The following DPP6 variants were observed in gnomAD, a reference collection of about 807,000 sequenced individuals.
The protein encoded by DPP6 is A-type potassium channel modulatory protein DPP6.
Under a neutral mutation model 122.6 loss-of-function variants are expected in DPP6, and 69 were observed. The observed-to-expected ratio is 0.56, with a 90% CI of 0.46 to 0.69. DPP6 has a LOEUF of 0.69. DPP6 is among the 30% of genes least tolerant of loss of function. DPP6 has a pLI of 0.00. For missense variants in DPP6, 928 were observed against 1,116.9 expected (o/e 0.83, Z 2.41); for synonymous variants, 418 against 433.1 (o/e 0.97, Z 0.43).
At chr7:154,118,255 T>C (rs1427966156) in intron 1 of DPP6, among the ~76,000 whole-genome samples, 1 of 150,662 alleles carries the variant, frequency 6.6e-6, no homozygotes, top group Non-Finnish European at 1.5e-5. Flanking sequence ...TTCTTCTTCA[T>C]TGATTTCTGG....
At chr7:153,857,322 TTCTCTCTCTCTCTCTCTCTC>T in the DPP6 span, among the ~76,000 whole-genome samples, 1 of 124,388 alleles carries the variant, frequency 8.0e-6, no homozygotes, top group East Asian at 2.3e-4. Context: ...CTCAAAGGTT[TTCTCTCTCTCTCTCTCTCTC>T]TCTCTCTCTC....
intron 1 of DPP6, among the ~76,000 whole-genome samples, chr7:154,211,675 C>T (rs549630985): frequency 6.6e-6 from 1 of 152,276 alleles, no homozygotes; most frequent in East Asian, 1.9e-4. Context: ...CACCTCCATA[C>T]ACACAAGGAG....
At chr7:154,811,983 G>T (rs1455055493) in intron 16 of DPP6, among the ~76,000 whole-genome samples, 1 of 152,196 alleles carries the variant, frequency 6.6e-6, no homozygotes, top group Non-Finnish European at 1.5e-5. Flanking sequence ...TACTGGCAAT[G>T]AGAGGCTTCT....
In DPP6 at chr7:154,768,773, CCTT is replaced by C. The variant is rs200918913; in HGVS notation, c.884-641_884-639del. 5.9e-3 allele frequency among the ~76,000 whole-genome samples: 900 copies of C among 152,300 alleles called. 9 individuals carry two copies. Among genetic ancestry groups the C allele is most frequent in the African/African-American group, 0.021 (859 of 41,550 alleles). ...AAAAGAATCAGTCTTTCATTTCAGT[CCTT>C]CTGAAGATGGATCCATTTTGGTTTT... is the stretch of plus-strand genomic sequence containing the variant. On this transcript the variant is annotated intron_variant, in intron 8 of 25. Transcript: ENST00000377770.
intron 5 of DPP6, among the ~76,000 whole-genome samples, chr7:154,619,974 A>C (rs1834530571): frequency 6.6e-6 from 1 of 152,244 alleles, no homozygotes; most frequent in African/African-American, 2.4e-5. Context: ...CAGCTTTGTC[A>C]AAATGCAGAT....
At chr7:154,142,388 A>G (rs1795889501) in intron 1 of DPP6, among the ~76,000 whole-genome samples, 1 of 152,232 alleles carries the variant, frequency 6.6e-6, no homozygotes, top group African/African-American at 2.4e-5. Context: ...GAACACAAAT[A>G]TAAATAAACA....
chr7:154,115,826 C>T (rs1806946290), intron 1 of DPP6, among the ~76,000 whole-genome samples: 1 of 152,190 alleles, frequency 6.6e-6, no homozygotes, highest in Admixed American at 6.5e-5. Context: ...CAAGTAATTA[C>T]ACCTGCAGAG....
chr7:154,363,313 A>G (rs1811891008), intron 1 of DPP6, among the ~76,000 whole-genome samples: 1 of 152,182 alleles, frequency 6.6e-6, no homozygotes, highest in South Asian at 2.1e-4. Flanking sequence ...GCTATGAGTT[A>G]CTAGAACAGG....
At chr7:154,332,048 A>G (rs1275017126) in intron 1 of DPP6, among the ~76,000 whole-genome samples, 1 of 151,358 alleles carries the variant, frequency 6.6e-6, no homozygotes, top group African/African-American at 2.4e-5. Flanking sequence ...GTTCTTCATT[A>G]TGTCTTCACC....
chr7:153,912,387 G>A (rs1284264456), intron 1 of DPP6, among the ~76,000 whole-genome samples: 1 of 152,214 alleles, frequency 6.6e-6, no homozygotes, highest in Non-Finnish European at 1.5e-5. Context: ...CTTCATGAAA[G>A]AGATGCAGCT....
In DPP6 at chr7:154,062,897, T is replaced by A. The variant is rs962117497; in HGVS notation, c.243+9834T>A. ...AGGACCCCCATCGTTGATCCTAAGA[T>A]CCTTAGGACCCACCTGGAGGACTGT... On this transcript the variant is annotated intron_variant, in intron 1 of 25. Coordinates refer to ENST00000377770, the MANE Select transcript of DPP6 (RefSeq NM_130797.4). Among the ~76,000 whole-genome samples, 11 of 131,636 alleles carry A rather than the reference T, an allele frequency of 8.4e-5. 2 individuals are homozygous for A. Among genetic ancestry groups the A allele is most frequent in the African/African-American group, 3.0e-4 (11 of 36,156 alleles). 86.4% of individuals were successfully genotyped at this position (131,636 alleles called of 152,430 possible). A position where few individuals can be genotyped will look rare whatever the true frequency, so the allele number is the denominator to read the frequency against.
chr7:154,327,038 C>T (rs1055962798), intron 1 of DPP6, among the ~76,000 whole-genome samples: 9 of 152,122 alleles, frequency 5.9e-5, no homozygotes, highest in Middle Eastern at 3.4e-3. Flanking sequence ...ATAAGAGAGA[C>T]GCCTGTGTCT....
intron 1 of DPP6, among the ~76,000 whole-genome samples, chr7:154,196,925 C>T (rs199963237): frequency 2.0e-5 from 3 of 152,072 alleles, no homozygotes; most frequent in East Asian, 3.9e-4. Context: ...GTTCCTACCT[C>T]CATGACTTTG....
chr7:154,693,001 A>G lies in DPP6; in HGVS notation c.762+23560A>G, dbSNP rs558481970. Among the ~76,000 whole-genome samples, 7 of 152,242 alleles carry G rather than the reference A, an allele frequency of 4.6e-5. No individual in the cohort carries two copies. In the South Asian group the frequency reaches 1.0e-3, roughly 23 times the overall value. On this transcript the variant is annotated intron_variant, in intron 7 of 25. Transcript: ENST00000377770. ...GAGATGAGGTTTTGCTATGTTGCCCAGGCTTGTCTCAAACTCCTGGGCTCA... is the reference window on the plus strand; with the variant it reads ...GAGATGAGGTTTTGCTATGTTGCCCGGGCTTGTCTCAAACTCCTGGGCTCA...
intron 1 of DPP6, among the ~76,000 whole-genome samples, chr7:154,180,710 C>T (rs987482093): frequency 6.6e-6 from 1 of 151,714 alleles, no homozygotes; most frequent in Admixed American, 6.6e-5. Context: ...CTAGGAATGA[C>T]AATCTTTTTT....
intron 17 of DPP6, among the ~76,000 whole-genome samples, chr7:154,854,209 T>C (rs1020528828): frequency 2.0e-5 from 3 of 152,096 alleles, no homozygotes; most frequent in African/African-American, 2.4e-5. Context: ...TCATCTGTCT[T>C]TGTGGGTCTG....
chr7:154,089,353 G>T (rs1411118384), intron 1 of DPP6, among the ~76,000 whole-genome samples: 1 of 90,410 alleles, frequency 1.1e-5, no homozygotes, highest in African/African-American at 6.1e-5. Context: ...TCAGATGGAG[G>T]TAGTGAGGTG....
chr7:154,114,659 A>G (rs114829744), intron 1 of DPP6, among the ~76,000 whole-genome samples: 1,627 of 152,216 alleles, frequency 0.011, 31 homozygotes, highest in African/African-American at 0.037. Context: ...ACTCCCAGGC[A>G]CCCAGCAACA....
intron 1 of DPP6, among the ~76,000 whole-genome samples, chr7:153,993,502 T>A (rs1197789626): frequency 1.3e-5 from 2 of 152,254 alleles, no homozygotes; most frequent in African/African-American, 4.8e-5. Flanking sequence ...TCGTGATGTA[T>A]CAACCTCGGC....
Sources: gnomAD v4.1 joint callset for allele counts (sites outside exome capture counted in the v4.1 genomes callset) on GRCh38, gnomAD v4.1.1 for gene constraint, MANE v1.5 for transcripts, NCBI Gene and HGNC (gene_info 2026-07-23, HGNC 2026-07-21) for gene names.